Variants in CFAP96 observed in about 807,000 individuals in gnomAD.
CFAP96 encodes the protein cilia-and flagella-associated protein 96.
the CFAP96 span, among the ~76,000 whole-genome samples, chr4:185,425,631 G>A: frequency 4.2e-3 from 633 of 152,372 alleles, 5 homozygotes; most frequent in African/African-American, 0.015. Context: ...CAGAGAAGTA[G>A]CAGGGGGTGC....
the CFAP96 span, among the ~76,000 whole-genome samples, chr4:185,427,802 C>G: frequency 7.2e-6 from 1 of 139,670 alleles, no homozygotes; most frequent in Non-Finnish European, 1.6e-5. Context: ...AAGGTTCTTA[C>G]CAGCCGGGCG....
At chr4:185,415,385 A>G in the CFAP96 span, 3 of 1,486,870 alleles carry the variant, frequency 2.0e-6, no homozygotes, top group African/African-American at 4.3e-5. Context: ...AACAAAAGTT[A>G]TAGTGACTAC....
At chr4:185,443,038 A>T in the CFAP96 span, among the ~76,000 whole-genome samples, 1 of 152,030 alleles carries the variant, frequency 6.6e-6, no homozygotes, top group East Asian at 1.9e-4. Flanking sequence ...GGCATCTTAA[A>T]GCAATGGGGG....
the CFAP96 span, among the ~76,000 whole-genome samples, chr4:185,433,278 C>T: frequency 2.0e-5 from 3 of 151,634 alleles, no homozygotes; most frequent in Admixed American, 2.0e-4. Flanking sequence ...ACCTGTAGTC[C>T]CAGCTACTCA....
chr4:185,410,668 C>T, the CFAP96 span, among the ~76,000 whole-genome samples: 6 of 145,152 alleles, frequency 4.1e-5, no homozygotes, highest in African/African-American at 7.7e-5. Context: ...AAGATTAGGC[C>T]GGGCGCAGTG....
the CFAP96 span, among the ~76,000 whole-genome samples, chr4:185,438,260 A>G: frequency 1.3e-5 from 2 of 152,234 alleles, no homozygotes; most frequent in South Asian, 4.1e-4. Flanking sequence ...CCAACACCCT[A>G]TTAACTTAAA....
chr4:185,448,234 T>C, the CFAP96 span, among the ~76,000 whole-genome samples: 3 of 152,168 alleles, frequency 2.0e-5, no homozygotes, highest in Non-Finnish European at 4.4e-5. Context: ...TTGGTCAGGC[T>C]GGTCTCGAAC....
the CFAP96 span, among the ~76,000 whole-genome samples, chr4:185,433,049 A>G: frequency 3.0e-4 from 46 of 152,086 alleles, no homozygotes; most frequent in African/African-American, 1.1e-3. Context: ...GAAGAAAATA[A>G]TTGATCAAAA....
At chr4:185,430,163 C>T in the CFAP96 span, among the ~76,000 whole-genome samples, 5 of 152,130 alleles carry the variant, frequency 3.3e-5, no homozygotes, top group African/African-American at 7.2e-5. Flanking sequence ...TCCATTGTTA[C>T]CTTCCTGAGA....
At chr4:185,410,324 C>T in the CFAP96 span, among the ~76,000 whole-genome samples, 11 of 152,240 alleles carry the variant, frequency 7.2e-5, no homozygotes, top group African/African-American at 2.4e-4. Flanking sequence ...AAAAGCAGTG[C>T]TTTGCTTGAA....
the CFAP96 span, among the ~76,000 whole-genome samples, chr4:185,417,085 TTAAG>T: frequency 3.3e-3 from 508 of 152,224 alleles, 3 homozygotes; most frequent in African/African-American, 0.012. Flanking sequence ...GGATACCATC[TTAAG>T]TAAGTGAAGT....
the CFAP96 span, among the ~76,000 whole-genome samples, chr4:185,436,736 T>TAATAA: frequency 1.3e-5 from 2 of 149,286 alleles, no homozygotes; most frequent in Admixed American, 6.7e-5. Flanking sequence ...ATAATAATAA[T>TAATAA]AATAATAATT....
the CFAP96 span, among the ~76,000 whole-genome samples, chr4:185,411,087 A>G: frequency 6.6e-6 from 1 of 151,768 alleles, no homozygotes; most frequent in Non-Finnish European, 1.5e-5. Context: ...CAAATACAGA[A>G]GTTATAATAG....
the CFAP96 span, chr4:185,418,487 A>G: frequency 6.2e-7 from 1 of 1,612,018 alleles, no homozygotes; most frequent in South Asian, 1.1e-5. Context: ...TTTTCTTTTT[A>G]TATCTTCTTC....
At chr4:185,409,001 G>A in the CFAP96 span, among the ~76,000 whole-genome samples, 1 of 151,876 alleles carries the variant, frequency 6.6e-6, no homozygotes, top group Admixed American at 6.6e-5. Flanking sequence ...AAAAATATCT[G>A]CCTACTTACA....
At chr4:185,411,037 A>G in the CFAP96 span, among the ~76,000 whole-genome samples, 1 of 151,604 alleles carries the variant, frequency 6.6e-6, no homozygotes, top group African/African-American at 2.4e-5. Context: ...TCAAAGAAAG[A>G]GCAAAAAAAA....
the CFAP96 span, among the ~76,000 whole-genome samples, chr4:185,424,693 C>G: frequency 6.6e-6 from 1 of 152,110 alleles, no homozygotes; most frequent in Non-Finnish European, 1.5e-5. Flanking sequence ...AGTATGTACC[C>G]ATTTAAATAA....
chr4:185,421,696 G>T, the CFAP96 span, among the ~76,000 whole-genome samples: 4 of 152,248 alleles, frequency 2.6e-5, no homozygotes, highest in South Asian at 6.2e-4. Context: ...CCAGTCTCAG[G>T]TATTCCTTTA....
At chr4:185,413,643 C>T in the CFAP96 span, 3 of 1,286,222 alleles carry the variant, frequency 2.3e-6, no homozygotes, top group Non-Finnish European at 3.2e-6. Context: ...CATAATGAAT[C>T]AAGTCTCCTA....
Sources: gnomAD v4.1 joint callset for allele counts (sites outside exome capture counted in the v4.1 genomes callset) on GRCh38, gnomAD v4.1.1 for gene constraint, MANE v1.5 for transcripts, NCBI Gene and HGNC (gene_info 2026-07-23, HGNC 2026-07-21) for gene names.